The following ABCC3 variants were observed in gnomAD, a reference collection of about 807,000 sequenced individuals.
ABCC3 encodes ATP-binding cassette sub-family C member 3.
In ABCC3, 121 loss-of-function variants were observed where a neutral mutation model predicts 165.3. That is an observed-to-expected ratio of 0.73 (90% confidence interval 0.63 to 0.85). The LOEUF is 0.85. Among genes scored for constraint, ABCC3 ranks in the 40% least tolerant of loss-of-function variants. The pLI is 0.00. For synonymous variants in ABCC3, 733 were observed against 810.1 expected (o/e 0.90, Z 1.62); for missense variants, 1,869 against 1,964.1 (o/e 0.95, Z 0.92).
chr17:50,656,103 A>G (rs1967236978), intron 2 of ABCC3, 95 bp downstream of exon 2: 1 of 1,070,040 alleles, frequency 9.3e-7, no homozygotes, highest in Admixed American at 3.7e-5. Context: ...TAATTAATTT[A>G]GAGACAGAGT....
chr17:50,691,460 G>A lies in ABCC3; in HGVS notation c.*260G>A, dbSNP rs959253421. On this transcript the variant is annotated 3_prime_UTR_variant, in exon 31 of 31. Coordinates refer to ENST00000285238, the MANE Select transcript of ABCC3 (RefSeq NM_003786.4). ...CCGGTCTCCCGATTCCCAACTGAGTGTTATTTGCACACTGCACTGTTTTCA... is the reference window on the plus strand; with the variant it reads ...CCGGTCTCCCGATTCCCAACTGAGTATTATTTGCACACTGCACTGTTTTCA... 2 of 396,322 alleles carry A rather than the reference G, an allele frequency of 5.0e-6. No homozygotes were observed. Among genetic ancestry groups the A allele is most frequent in the Admixed American group, 3.8e-5 (1 of 26,654 alleles). The allele number at this position is 396,322 out of a possible 1,614,324, so 24.6% of individuals were successfully genotyped here.
At chr17:50,641,412 A>T (rs1034789099) in intron 1 of ABCC3, among the ~76,000 whole-genome samples, 31 of 152,158 alleles carry the variant, frequency 2.0e-4, no homozygotes, top group African/African-American at 7.2e-4. Context: ...AGGGAGTGTT[A>T]CAGGGTCCAG....
intron 7 of ABCC3, 123 bp from the exon 8 acceptor site, chr17:50,660,800 G>C: frequency 3.1e-5 from 20 of 640,868 alleles, no homozygotes; most frequent in African/African-American, 5.7e-5. Flanking sequence ...TCCCCTCCCA[G>C]CTCTGAGAGC....
Position 50,674,062 on chromosome 17 carries a change from T to C in ABCC3, c.2599+404T>C, listed in dbSNP as rs28581563. On this transcript the variant is annotated intron_variant, in intron 19 of 30. Coordinates refer to ENST00000285238, the MANE Select transcript of ABCC3 (RefSeq NM_003786.4). ...TTTCTTTCTTTCTTTCTTTCTTTCT[T>C]TCTTTCTTTCTTTTTTTTCTTTTGA... Among the ~76,000 whole-genome samples, 154 of 67,050 alleles carry C rather than the reference T, an allele frequency of 2.3e-3. 33 individuals are homozygous for C. Among genetic ancestry groups the C allele is most frequent in the South Asian group, 6.7e-3 (13 of 1,942 alleles). 44.0% of individuals were successfully genotyped at this position (67,050 alleles called of 152,430 possible).
At chr17:50,666,877 G>T (rs1967536416) in intron 11 of ABCC3, among the ~76,000 whole-genome samples, 1 of 152,172 alleles carries the variant, frequency 6.6e-6, no homozygotes, top group South Asian at 2.1e-4. Context: ...AAACATATAT[G>T]TAAAGGAATG....
At chr17:50,663,099 G>A (rs1967428501) in intron 8 of ABCC3, 2 of 150,064 alleles carry the variant, frequency 1.3e-5, no homozygotes, top group Admixed American at 1.3e-4. Flanking sequence ...TGGGTGGCAG[G>A]GAGTTCTCAA....
In ABCC3 at chr17:50,673,237, G is replaced by C. The variant is rs1386988133; in HGVS notation, c.2409+99G>C. The C allele has an allele frequency of 4.1e-6, 6 of 1,474,064 alleles. No individual in the cohort carries two copies. The Admixed American group carries it at 1.2e-4, about 28-fold the overall frequency. 91.3% of individuals were successfully genotyped at this position (1,474,064 alleles called of 1,614,324 possible). ...GGGTTTGGATGAGACTTGGAGGTGT[G>C]GGGGGCGCAAGAAGTGGGCATGTGG... is the stretch of plus-strand genomic sequence containing the variant. On this transcript the variant is annotated intron_variant, in intron 18 of 30. Transcript: ENST00000285238.
Position 50,688,859 on chromosome 17 carries a change from C to T in ABCC3, c.4475+1129C>T, listed in dbSNP as rs566387091. ...CAAAGATTGCAGTGAGCCAAGATTA[C>T]GCCAGGACACTCCAGTCTGAGTGAC... is the stretch of plus-strand genomic sequence containing the variant. On this transcript the variant is annotated intron_variant, in intron 30 of 30. Transcript: ENST00000285238. Among the ~76,000 whole-genome samples the T allele has an allele frequency of 4.7e-5, 7 of 150,398 alleles. No homozygotes were observed. The South Asian group carries it at 8.3e-4, about 18-fold the overall frequency.
At chr17:50,689,286 C>T (rs1968076514) in intron 30 of ABCC3, among the ~76,000 whole-genome samples, 1 of 152,250 alleles carries the variant, frequency 6.6e-6, no homozygotes. Context: ...GCGCTAGGCC[C>T]TCCAAGGATG....
chr17:50,653,210 G>T (rs574499572), intron 1 of ABCC3, among the ~76,000 whole-genome samples: 6 of 151,600 alleles, frequency 4.0e-5, no homozygotes, highest in African/African-American at 1.5e-4. Context: ...GTCAGGCATG[G>T]TGGTGGGCGC....
intron 1 of ABCC3, among the ~76,000 whole-genome samples, chr17:50,652,250 A>T (rs926905737): frequency 2.0e-5 from 3 of 152,236 alleles, no homozygotes; most frequent in Non-Finnish European, 2.9e-5. Context: ...CTTTCATTTA[A>T]ATATCTTAGC....
intron 10 of ABCC3, 85 bp from the exon 11 acceptor site, chr17:50,665,068 C>A: frequency 8.5e-7 from 1 of 1,181,030 alleles, no homozygotes; most frequent in Non-Finnish European, 1.3e-6. Context: ...TTCAAGTTAA[C>A]AGGCCTCTGT....
chr17:50,668,737 C>A (rs890819772), intron 14 of ABCC3, 116 bp from the exon 15 acceptor site: 55 of 896,338 alleles, frequency 6.1e-5, no homozygotes, highest in Non-Finnish European at 9.0e-5. Flanking sequence ...CCAAGGATCC[C>A]CTCCCCATGG....
intron 5 of ABCC3, 75 bp from the exon 6 acceptor site, chr17:50,658,360 C>G (rs1344112445): frequency 7.6e-6 from 12 of 1,580,286 alleles, no homozygotes; most frequent in Non-Finnish European, 1.0e-5. Flanking sequence ...ACAAGGGTCC[C>G]CTCCATTTCC....
Position 50,691,027 on chromosome 17 carries a change from G to A in ABCC3, c.4476-65G>A. 3.1e-6 allele frequency: 4 copies of A among 1,310,544 alleles called. No homozygotes were observed. The Admixed American group carries it at 6.9e-5, about 23-fold the overall frequency. 81.2% of individuals were successfully genotyped at this position (1,310,544 alleles called of 1,614,324 possible). On this transcript the variant is annotated intron_variant, in intron 30 of 30. Coordinates refer to ENST00000285238, the MANE Select transcript of ABCC3 (RefSeq NM_003786.4). ...GCCTGAGCAAGTACCCAGAAGAGCA[G>A]GATTAGACGATGTGACCAGGTCAGG...
intron 7 of ABCC3, among the ~76,000 whole-genome samples, chr17:50,660,046 G>T (rs776232108): frequency 7.9e-5 from 12 of 152,080 alleles, no homozygotes; most frequent in Non-Finnish European, 1.6e-4. Context: ...GGCCTCCCAG[G>T]GTCCCCAAGT....
intron 26 of ABCC3, among the ~76,000 whole-genome samples, chr17:50,681,418 C>T (rs1254989234): frequency 2.0e-5 from 3 of 152,156 alleles, no homozygotes; most frequent in Admixed American, 1.3e-4. Flanking sequence ...TCCATTTCTT[C>T]TCATGGCCGC....
At chr17:50,673,165 C>T (rs773302483) in intron 18 of ABCC3, 27 bp downstream of exon 18, 1 of 1,611,870 alleles carries the variant, frequency 6.2e-7, no homozygotes, top group Non-Finnish European at 8.5e-7. Flanking sequence ...GCTAAGGGGG[C>T]TAAGGTGAGA....
In ABCC3 at chr17:50,635,157, G is replaced by A. The variant is rs563467150; in HGVS notation, c.45+176G>A. 2.4e-5 allele frequency: 16 copies of A among 661,540 alleles called. No individual in the cohort carries two copies. In the East Asian group the frequency reaches 4.9e-4, roughly 20 times the overall value. 41.0% of individuals were successfully genotyped at this position (661,540 alleles called of 1,614,324 possible). A position where few individuals can be genotyped will look rare whatever the true frequency, so the allele number is the denominator to read the frequency against. ...GGGAGGGAGGTTGGCTGCGCCGCCC[G>A]GAGCCGGGTCCCACGCGGTGTCGGG... On this transcript the variant is annotated intron_variant, in intron 1 of 30. Coordinates refer to ENST00000285238, the MANE Select transcript of ABCC3 (RefSeq NM_003786.4).
Sources: gnomAD v4.1 joint callset for allele counts (sites outside exome capture counted in the v4.1 genomes callset) on GRCh38, gnomAD v4.1.1 for gene constraint, MANE v1.5 for transcripts, NCBI Gene and HGNC (gene_info 2026-07-23, HGNC 2026-07-21) for gene names.